CLN3: variants seen among roughly 807,000 people sequenced by gnomAD.
CLN3 encodes the protein battenin.
CLN3 carries 49 observed loss-of-function variants against 60.7 expected under a neutral mutation model. The observed-to-expected ratio is 0.81, with a 90% CI of 0.64 to 1.02. CLN3 has a LOEUF of 1.02. Among genes scored for constraint, CLN3 ranks in the 50% least tolerant of loss-of-function variants. CLN3 has a pLI of 0.00. For synonymous variants in CLN3, 256 were observed against 245.8 expected, an observed-to-expected ratio of 1.04 and a Z score of -0.39; for missense variants, 516 against 557.4, an observed-to-expected ratio of 0.93 and a Z score of 0.75.
chr16:28,473,829 G>A (rs777105996), downstream of CLN3, among the ~76,000 whole-genome samples: 18 of 152,078 alleles, frequency 1.2e-4, no homozygotes, highest in Non-Finnish European at 2.1e-4. Flanking sequence ...CTATATGTAC[G>A]GTCAATAAGG....
intron 14 of CLN3, among the ~76,000 whole-genome samples, chr16:28,481,056 T>C (rs1567256042): frequency 6.6e-6 from 1 of 152,192 alleles, no homozygotes. Flanking sequence ...AAATGACCTA[T>C]GATCATGCCA....
intron 14 of CLN3, among the ~76,000 whole-genome samples, chr16:28,478,487 G>A (rs1048368609): frequency 1.3e-5 from 2 of 151,390 alleles, no homozygotes; most frequent in African/African-American, 4.9e-5. Context: ...ATGGTGGCAC[G>A]CACCTGCAGT....
chr16:28,482,126 G>A lies in CLN3; in HGVS notation c.1035C>T (p.Thr345=), dbSNP rs2141702596. 2 of 1,613,556 alleles carry A rather than the reference G, an allele frequency of 1.2e-6. No individual in the cohort carries two copies. The highest frequency in any genetic ancestry group is 1.7e-6 in the Non-Finnish European group (2 of 1,179,894). ...GTACCTGCAGCAGGGCCAGGGCCCAGGTGAAACGGATGCGACAGCAGCGGA... is the reference window on the plus strand; with the variant it reads ...GTACCTGCAGCAGGGCCAGGGCCCAAGTGAAACGGATGCGACAGCAGCGGA... ...SSLRCCRIRF[T]WALALLQCLN... is the part of the protein sequence containing the mutation. The change falls in exon 14 of 16, where the codon ACC becomes ACT. Residue 345 remains threonine (T), a synonymous_variant. Transcript: ENST00000636147.
At chr16:28,490,934 G>A (rs1265458460) in intron 3 of CLN3, 1 of 152,482 alleles carries the variant, frequency 6.6e-6, no homozygotes, top group Non-Finnish European at 1.5e-5. Flanking sequence ...AGGCAGATGC[G>A]GTGGTGCACA....
intron 14 of CLN3, chr16:28,479,761 T>TC (rs1596553912): frequency 9.4e-6 from 2 of 211,750 alleles, no homozygotes; most frequent in East Asian, 3.1e-4. Flanking sequence ...AGAGCGAGAC[T>TC]CCATCTCAAA....
intron 14 of CLN3, chr16:28,479,661 C>T (rs1337738273): frequency 5.9e-6 from 1 of 169,082 alleles, no homozygotes; most frequent in South Asian, 1.0e-4. Context: ...CCCAGCTACT[C>T]GGAAGGCTGA....
At position 28,487,480 on chromosome 16, in the gene CLN3, G is replaced by A. The variant is rs371590088; in HGVS notation, c.436C>T (p.His146Tyr). 35 of 1,613,856 alleles carry A rather than the reference G, an allele frequency of 2.2e-5. No individual in the cohort carries two copies. The highest frequency in any genetic ancestry group is 2.8e-5 in the Non-Finnish European group (33 of 1,179,976). Residue 146 changes from histidine (H) to tyrosine (Y), a missense_variant, in exon 7 of 16, where the codon CAT becomes TAT. Transcript: ENST00000636147. ...CCACACAGGCTGGTCCCCACAGAATGAGAAAAGGCAACCAGGACGAAGCTT... is the reference window on the plus strand; with the variant it reads ...CCACACAGGCTGGTCCCCACAGAATAAGAAAAGGCAACCAGGACGAAGCTT... The part of the protein sequence containing the change: ...AGSFVLVAFS[H>Y]SVGTSLCGVV...
intron 10 of CLN3, among the ~76,000 whole-genome samples, chr16:28,483,303 C>A (rs2046136422): frequency 1.3e-5 from 2 of 151,730 alleles, no homozygotes; most frequent in Admixed American, 1.3e-4. Context: ...CTCACTGCAG[C>A]CTCTGCCTCC....
intron 5 of CLN3, 186 bp from the exon 6 acceptor site, chr16:28,487,927 C>G: frequency 1.6e-6 from 1 of 613,434 alleles, no homozygotes; most frequent in Non-Finnish European, 2.9e-6. Context: ...TTTATACTCT[C>G]TGAGCTTCAG....
chr16:28,477,539 C>T lies in CLN3; in HGVS notation c.1294G>A (p.Asp432Asn). The change falls in exon 16 of 16, where the codon GAC (aspartate) becomes AAC (asparagine). Residue 432 changes from aspartate to asparagine, a missense_variant. Physicochemically the swap from Asp to Asn is conservative, Grantham distance 23. Coordinates refer to ENST00000636147, the MANE Select transcript of CLN3 (RefSeq NM_001042432.2). ...TATCAGGAGAGCTGGCAGAGGAAGT[C>T]ATGCAGAGGCAAAGCCAGGAGCCCC... ...LSGLLALPLH[D>N]FLCQLS The T allele has an allele frequency of 6.2e-7, 1 of 1,613,790 alleles. No individual in the cohort carries two copies. The highest frequency in any genetic ancestry group is 8.5e-7 in the Non-Finnish European group (1 of 1,180,032).
chr16:28,487,568 G>A (rs377014825), intron 6 of CLN3, 27 bp from the exon 7 acceptor site: 4 of 1,604,514 alleles, frequency 2.5e-6, no homozygotes, highest in Non-Finnish European at 2.6e-6. Context: ...GGAAGGGAGG[G>A]GGAAGGTCGG....
chr16:28,482,028 A>T, intron 14 of CLN3, 77 bp downstream of exon 14: 1 of 1,055,702 alleles, frequency 9.5e-7, no homozygotes, highest in Non-Finnish European at 1.4e-6. Flanking sequence ...TGATAGTGGG[A>T]AGCAGGGGGT....
Position 28,486,573 on chromosome 16 carries a change from C to G in CLN3, c.533+5G>C. On this transcript the variant is annotated splice_donor_5th_base_variant and intron_variant, in intron 8 of 15. Transcript: ENST00000636147. ...CTCCCCACACTCCCTGCTCCACCTGCTTACCTGGGGTAGAAGGCAGTGAGG... is the reference window on the plus strand; with the variant it reads ...CTCCCCACACTCCCTGCTCCACCTGGTTACCTGGGGTAGAAGGCAGTGAGG... The G allele has an allele frequency of 6.2e-7, 1 of 1,610,282 alleles. No homozygotes were observed. Among genetic ancestry groups the G allele is most frequent in the Non-Finnish European group, 8.5e-7 (1 of 1,178,366 alleles).
intron 9 of CLN3, chr16:28,484,835 T>TA (rs2046176674): frequency 6.6e-6 from 1 of 152,172 alleles, no homozygotes; most frequent in Non-Finnish European, 1.5e-5. Context: ...TCCTCCTGTA[T>TA]ATATATATTT....
intron 9 of CLN3, among the ~76,000 whole-genome samples, chr16:28,485,638 A>G (rs1158676954): frequency 6.9e-6 from 1 of 145,924 alleles, no homozygotes; most frequent in African/African-American, 2.5e-5. Flanking sequence ...CCTGGCACTC[A>G]GGCAGGCAAG....
downstream of CLN3, among the ~76,000 whole-genome samples, chr16:28,472,102 A>C (rs1430521794): frequency 6.6e-6 from 1 of 152,242 alleles, no homozygotes; most frequent in Non-Finnish European, 1.5e-5. Flanking sequence ...TAATTAAGAC[A>C]GTGTTGTATT....
intron 4 of CLN3, 38 bp from the exon 5 acceptor site, chr16:28,488,700 G>A: frequency 6.3e-7 from 1 of 1,599,548 alleles, no homozygotes; most frequent in East Asian, 2.2e-5. Context: ...CCTGGAGGCA[G>A]AGGGATAGAC....
chr16:28,471,862 C>T (rs1174352716), downstream of CLN3, among the ~76,000 whole-genome samples: 1 of 151,980 alleles, frequency 6.6e-6, no homozygotes, highest in Non-Finnish European at 1.5e-5. Context: ...TCATGATTGA[C>T]CTCTCAGGGA....
At chr16:28,474,582 G>A (rs1191861409), downstream of CLN3, among the ~76,000 whole-genome samples, 4 of 152,184 alleles carry the variant, frequency 2.6e-5, no homozygotes, top group Non-Finnish European at 5.9e-5. Context: ...CTCGTACACT[G>A]CCAGTGGAAT....
Sources: gnomAD v4.1 joint callset for allele counts (sites outside exome capture counted in the v4.1 genomes callset) on GRCh38, gnomAD v4.1.1 for gene constraint, MANE v1.5 for transcripts, NCBI Gene and HGNC (gene_info 2026-07-23, HGNC 2026-07-21) for gene names.